Variants in BMERB1 observed in about 807,000 individuals in gnomAD.
BMERB1 encodes bMERB domain containing 1.
A neutral mutation model predicts 23.6 loss-of-function variants in BMERB1; 12 were observed. The ratio of observed to expected loss-of-function variants is 0.51; its 90% confidence interval spans 0.33 to 0.82. BMERB1 has a LOEUF of 0.82. BMERB1 is among the 40% of genes least tolerant of loss of function. The pLI, the probability that BMERB1 is intolerant of heterozygous loss-of-function variation, is 0.03. For synonymous variants in BMERB1, 122 were observed against 96.6 expected (o/e 1.26, Z -1.54); for missense variants, 247 against 255.4 (o/e 0.97, Z 0.22).
intron 2 of BMERB1, among the ~76,000 whole-genome samples, chr16:15,516,203 C>G (rs148991560): frequency 6.6e-6 from 1 of 151,964 alleles, no homozygotes; most frequent in Admixed American, 6.6e-5. Flanking sequence ...GCGGGATGAT[C>G]GCTTGAGCCC....
chr16:15,488,622 A>T (rs943461314), intron 1 of BMERB1, among the ~76,000 whole-genome samples: 1 of 151,474 alleles, frequency 6.6e-6, no homozygotes, highest in Non-Finnish European at 1.5e-5. Flanking sequence ...TCACGAGGTC[A>T]GGAGAGCAAG....
intron 2 of BMERB1, among the ~76,000 whole-genome samples, chr16:15,525,205 TC>T (rs2051894473): frequency 6.6e-6 from 1 of 152,184 alleles, no homozygotes; most frequent in Non-Finnish European, 1.5e-5. Flanking sequence ...AGGAGGGAAC[TC>T]CTGCTGCCTG....
chr16:15,435,129 G>T (rs961379702), intron 1 of BMERB1, among the ~76,000 whole-genome samples: 3 of 152,266 alleles, frequency 2.0e-5, no homozygotes, highest in Admixed American at 6.5e-5. Context: ...GGGCGCTGGA[G>T]ACGCGGGACC....
chr16:15,538,327 C>A (rs1476126906), intron 2 of BMERB1, among the ~76,000 whole-genome samples: 1 of 152,090 alleles, frequency 6.6e-6, no homozygotes, highest in Non-Finnish European at 1.5e-5. Context: ...GTGGTGTGCA[C>A]CTGTAATCCC....
intron 3 of BMERB1, among the ~76,000 whole-genome samples, chr16:15,577,511 CAA>C (rs1258874936): frequency 6.6e-6 from 1 of 152,104 alleles, no homozygotes; most frequent in Non-Finnish European, 1.5e-5. Flanking sequence ...AGAGAAGGAG[CAA>C]AAGTTTATTA....
At chr16:15,513,949 C>T (rs901723360) in intron 1 of BMERB1, among the ~76,000 whole-genome samples, 1 of 151,972 alleles carries the variant, frequency 6.6e-6, no homozygotes, top group African/African-American at 2.4e-5. Flanking sequence ...ATATAAAAAA[C>T]CACATATATT....
At position 15,517,944 on chromosome 16, in the gene BMERB1, GGTGT is replaced by G. The variant is rs907194839; in HGVS notation, c.230+2524_230+2527del. Among the ~76,000 whole-genome samples, 3 of 144,686 alleles carry G rather than the reference GGTGT, an allele frequency of 2.1e-5. No individual in the cohort carries two copies. The Admixed American group carries it at 2.1e-4, about 10-fold the overall frequency. The allele number at this position is 144,686 out of a possible 152,430, so 94.9% of individuals were successfully genotyped here. ...GTGAGGATGTGTGTGTGCATGTGTG[GGTGT>G]GTGTGTGGATGTGGGTGTGTATGTG... On this transcript the variant is annotated intron_variant, in intron 2 of 5. Coordinates refer to ENST00000300006, the MANE Select transcript of BMERB1 (RefSeq NM_033201.3).
At chr16:15,439,080 T>G (rs1044904890) in intron 1 of BMERB1, among the ~76,000 whole-genome samples, 17 of 152,212 alleles carry the variant, frequency 1.1e-4, no homozygotes, top group Non-Finnish European at 1.3e-4. Flanking sequence ...GGAGGGAGAC[T>G]GCAGAACTGG....
At chr16:15,554,254 C>T (rs1200254481) in intron 2 of BMERB1, among the ~76,000 whole-genome samples, 26 of 152,116 alleles carry the variant, frequency 1.7e-4, no homozygotes, top group Admixed American at 1.7e-3. Flanking sequence ...GATCAGACTG[C>T]CCGAGTTCAA....
At chr16:15,521,555 A>G (rs1598492922) in intron 2 of BMERB1, among the ~76,000 whole-genome samples, 1 of 152,296 alleles carries the variant, frequency 6.6e-6, no homozygotes, top group South Asian at 2.1e-4. Flanking sequence ...CAGGAGGTCA[A>G]GTTCACAGAC....
At chr16:15,523,508 G>C (rs1169321815) in intron 2 of BMERB1, among the ~76,000 whole-genome samples, 1 of 152,102 alleles carries the variant, frequency 6.6e-6, no homozygotes, top group East Asian at 1.9e-4. Context: ...CATTTAAAGC[G>C]ACCATGCCCT....
chr16:15,548,582 C>T (rs961767423), intron 2 of BMERB1, among the ~76,000 whole-genome samples: 4 of 152,146 alleles, frequency 2.6e-5, no homozygotes, highest in African/African-American at 7.2e-5. Flanking sequence ...TTCTACCTCC[C>T]TCCCCTGCTT....
chr16:15,552,698 T>C (rs1475316718), intron 2 of BMERB1, among the ~76,000 whole-genome samples: 1 of 152,062 alleles, frequency 6.6e-6, no homozygotes, highest in East Asian at 1.9e-4. Context: ...TCTCGCCACA[T>C]GGCCTTGGTA....
intron 2 of BMERB1, among the ~76,000 whole-genome samples, chr16:15,534,312 A>G (rs909001688): frequency 1.0e-4 from 15 of 144,372 alleles, no homozygotes; most frequent in Non-Finnish European, 2.3e-4. Flanking sequence ...AAAAAAAAAA[A>G]AAAGAAAAGG....
At chr16:15,481,933 G>A (rs777059290) in intron 1 of BMERB1, among the ~76,000 whole-genome samples, 15 of 151,452 alleles carry the variant, frequency 9.9e-5, no homozygotes, top group Admixed American at 4.6e-4. Context: ...GTTTCACTAC[G>A]TTGACTAGCC....
At chr16:15,548,854 A>G (rs953153397) in intron 2 of BMERB1, among the ~76,000 whole-genome samples, 1 of 152,132 alleles carries the variant, frequency 6.6e-6, no homozygotes, top group Non-Finnish European at 1.5e-5. Context: ...GTGATGGTAG[A>G]TAGGTGATGG....
chr16:15,584,362 T>A (rs977027721), intron 5 of BMERB1, among the ~76,000 whole-genome samples: 7 of 152,128 alleles, frequency 4.6e-5, no homozygotes, highest in Non-Finnish European at 8.8e-5. Flanking sequence ...ATCGACACCA[T>A]CCTGGCTAAC....
At chr16:15,520,797 CTT>C (rs1439365848) in intron 2 of BMERB1, among the ~76,000 whole-genome samples, 6 of 152,136 alleles carry the variant, frequency 3.9e-5, no homozygotes, top group East Asian at 3.8e-4. Context: ...CATAGATACT[CTT>C]TTGGATAAAT....
chr16:15,505,403 T>G (rs1348687901), intron 1 of BMERB1, among the ~76,000 whole-genome samples: 3 of 152,238 alleles, frequency 2.0e-5, no homozygotes, highest in Non-Finnish European at 2.9e-5. Flanking sequence ...TACTTGCTGA[T>G]TCACCTTGTT....
Sources: gnomAD v4.1 joint callset for allele counts (sites outside exome capture counted in the v4.1 genomes callset) on GRCh38, gnomAD v4.1.1 for gene constraint, MANE v1.5 for transcripts, NCBI Gene and HGNC (gene_info 2026-07-23, HGNC 2026-07-21) for gene names.